RBMS1: variants seen among roughly 807,000 people sequenced by gnomAD.
RBMS1 encodes the protein RNA binding motif single stranded interacting protein 1.
In RBMS1, 17 loss-of-function variants were observed where a neutral mutation model predicts 62.3. That is an observed-to-expected ratio of 0.27 (90% CI 0.19 to 0.41). The LOEUF (loss-of-function observed/expected upper bound fraction) is 0.41, where lower values mean the gene tolerates loss of function less well. Among genes scored for constraint, RBMS1 ranks in the 10% least tolerant of loss-of-function variants. The probability of loss-of-function intolerance (pLI) is 1.00; values close to 1 mark genes in which losing one functional copy is unlikely to be tolerated. For missense variants in RBMS1, 334 were observed against 504.5 expected (o/e 0.66, Z 3.24); for synonymous variants, 172 against 170.0 (o/e 1.01, Z -0.09).
intron 1 of RBMS1, among the ~76,000 whole-genome samples, chr2:160,483,206 T>G (rs556534718): frequency 4.7e-4 from 71 of 152,206 alleles, no homozygotes; most frequent in African/African-American, 1.7e-3. Context: ...AAAACACAAC[T>G]TTTTTGTGAT....
intron 2 of RBMS1, among the ~76,000 whole-genome samples, chr2:160,362,777 AT>A (rs1031855850): frequency 7.3e-5 from 11 of 151,496 alleles, no homozygotes; most frequent in East Asian, 3.9e-4. Flanking sequence ...TTCAATTTGT[AT>A]TTTTTTTTAA....
intron 1 of RBMS1, among the ~76,000 whole-genome samples, chr2:160,395,088 T>C (rs1226377169): frequency 1.3e-5 from 2 of 152,216 alleles, no homozygotes; most frequent in Non-Finnish European, 2.9e-5. Flanking sequence ...CAAGTAATTC[T>C]AGGAAAACAA....
chr2:160,419,761 T>C (rs1391289452), intron 1 of RBMS1, among the ~76,000 whole-genome samples: 2 of 152,210 alleles, frequency 1.3e-5, no homozygotes, highest in African/African-American at 2.4e-5. Flanking sequence ...AAATAACTAC[T>C]TTATCTGCCC....
intron 1 of RBMS1, among the ~76,000 whole-genome samples, chr2:160,372,141 C>T (rs909428638): frequency 6.6e-6 from 1 of 152,148 alleles, no homozygotes; most frequent in Non-Finnish European, 1.5e-5. Context: ...GGCTAAAGAA[C>T]AGTGCTCTGA....
intron 9 of RBMS1, chr2:160,283,762 G>A (rs906251835): frequency 6.6e-6 from 1 of 152,116 alleles, no homozygotes; most frequent in Non-Finnish European, 1.5e-5. Flanking sequence ...ATAATGATAT[G>A]TGAGGTCCTT....
rs140282482 is a variant in RBMS1 at position 160,321,510 on chromosome 2, A to G, written c.252-3283T>C. Among the ~76,000 whole-genome samples, 345 of 152,160 alleles carry G rather than the reference A, an allele frequency of 2.3e-3. 1 individual carries two copies. The highest frequency in any genetic ancestry group is 7.9e-3 in the African/African-American group (329 of 41,492). The stretch of plus-strand genomic sequence containing the variant: ...TATGTGTTTTTTTTAAAACTCACCA[A>G]AGCTTTGGTTTTTCTCTCTTCCTCT... On this transcript the variant is annotated intron_variant, in intron 2 of 13. Transcript: ENST00000348849.
chr2:160,389,430 G>A (rs1694742564), intron 1 of RBMS1, among the ~76,000 whole-genome samples: 1 of 152,110 alleles, frequency 6.6e-6, no homozygotes, highest in Non-Finnish European at 1.5e-5. Context: ...GGGCGTGGTG[G>A]CTCATGCCTG....
chr2:160,285,202 T>C (rs1024973870), intron 7 of RBMS1, among the ~76,000 whole-genome samples, 158 bp from the exon 8 acceptor site: 5 of 151,960 alleles, frequency 3.3e-5, no homozygotes, highest in African/African-American at 1.2e-4. Flanking sequence ...GAGGCTGTAG[T>C]TAGCTATGAT....
rs1186951058 is a variant in RBMS1, at chr2:160,457,790, C to T, written c.75+35499G>A. ...CACTAACAGGTGCCAGCTTGAAAGT[C>T]GCACTTTCACACATCGTGTGACTTT... On this transcript the variant is annotated intron_variant, in intron 1 of 13. Transcript: ENST00000348849. Among the ~76,000 whole-genome samples the T allele has an allele frequency of 3.3e-5, 5 of 151,734 alleles. No homozygotes were observed. The East Asian group carries it at 5.8e-4, about 18-fold the overall frequency.
At chr2:160,326,641 G>A (rs1472705874) in intron 2 of RBMS1, among the ~76,000 whole-genome samples, 5 of 152,124 alleles carry the variant, frequency 3.3e-5, no homozygotes, top group African/African-American at 4.8e-5. Context: ...TAAGATTAAC[G>A]AAAATTTTTG....
intron 4 of RBMS1, among the ~76,000 whole-genome samples, chr2:160,306,184 G>A (rs1229611857): frequency 3.3e-5 from 5 of 151,012 alleles, no homozygotes; most frequent in Non-Finnish European, 5.9e-5. Context: ...ATATGGAGTG[G>A]ACTTTCTTTT....
chr2:160,417,009 G>A (rs1051186435), intron 1 of RBMS1, among the ~76,000 whole-genome samples: 2 of 151,996 alleles, frequency 1.3e-5, no homozygotes, highest in East Asian at 1.9e-4. Flanking sequence ...CTTTTCTTGC[G>A]CTTTAAGAAT....
intron 1 of RBMS1, among the ~76,000 whole-genome samples, chr2:160,471,527 A>C (rs1189048741): frequency 6.6e-6 from 1 of 151,262 alleles, no homozygotes; most frequent in Non-Finnish European, 1.5e-5. Flanking sequence ...ATTTTTGGGG[A>C]GAGAGAAGCA....
chr2:160,485,143 G>A (rs545183278), intron 1 of RBMS1, among the ~76,000 whole-genome samples: 37 of 152,104 alleles, frequency 2.4e-4, no homozygotes, highest in Admixed American at 3.3e-4. Context: ...AAAAGGGAAC[G>A]AGTTTATCTC....
intron 1 of RBMS1, among the ~76,000 whole-genome samples, chr2:160,419,526 A>AT (rs1696335297): frequency 1.3e-5 from 2 of 152,216 alleles, no homozygotes; most frequent in African/African-American, 4.8e-5. Context: ...TTAAAAGGTT[A>AT]TATCAGTAAA....
chr2:160,342,340 T>C (rs959606455), intron 2 of RBMS1, among the ~76,000 whole-genome samples: 8 of 152,142 alleles, frequency 5.3e-5, no homozygotes, highest in Non-Finnish European at 1.2e-4. Context: ...AGTGGACTAT[T>C]TAGAGTATTT....
chr2:160,419,421 T>C (rs1471677438), intron 1 of RBMS1, among the ~76,000 whole-genome samples: 1 of 152,176 alleles, frequency 6.6e-6, no homozygotes, highest in Non-Finnish European at 1.5e-5. Flanking sequence ...ATAAACTCTT[T>C]AAAAAAATTT....
At chr2:160,451,718 C>T (rs192074481) in intron 1 of RBMS1, among the ~76,000 whole-genome samples, 29 of 152,150 alleles carry the variant, frequency 1.9e-4, no homozygotes, top group African/African-American at 6.7e-4. Context: ...AAGCAATTCT[C>T]CTGCCTCAGC....
intron 1 of RBMS1, chr2:160,407,476 G>A (rs1574018472): frequency 1.0e-6 from 1 of 986,186 alleles, no homozygotes; most frequent in Non-Finnish European, 1.2e-6. Flanking sequence ...GCTTGCGATA[G>A]GGCGTCCGGC....
Sources: allele counts gnomAD v4.1 joint callset (sites outside exome capture counted in the v4.1 genomes callset), GRCh38; gene constraint gnomAD v4.1.1; transcripts MANE v1.5; gene names NCBI Gene and HGNC (gene_info 2026-07-23, HGNC 2026-07-21).